Variants in ZNF407 observed in about 807,000 individuals in gnomAD.
The protein encoded by ZNF407 is zinc finger protein 407.
ZNF407 carries 17 observed loss-of-function variants against 131.2 expected under a neutral mutation model. The ratio of observed to expected loss-of-function variants is 0.13; its 90% CI spans 0.09 to 0.19. The LOEUF (loss-of-function observed/expected upper bound fraction) is 0.19. Among genes scored for constraint, ZNF407 ranks in the 10% least tolerant of loss-of-function variants. The pLI is 1.00. For synonymous variants in ZNF407, 1,156 were observed against 1,062.0 expected (o/e 1.09, Z -1.72); for missense variants, 2,681 against 2,830.6 (o/e 0.95, Z 1.20).
intron 8 of ZNF407, among the ~76,000 whole-genome samples, chr18:74,987,294 T>G (rs1384487291): frequency 6.6e-6 from 1 of 152,216 alleles, no homozygotes. Flanking sequence ...TATAGCTCCT[T>G]TGATAGACGA....
At chr18:74,934,820 A>G (rs1198472024) in intron 8 of ZNF407, among the ~76,000 whole-genome samples, 1 of 152,238 alleles carries the variant, frequency 6.6e-6, no homozygotes, top group Admixed American at 6.5e-5. Flanking sequence ...ACAAACAAAA[A>G]TTAATTGCTT....
chr18:74,859,259 C>T (rs1970903295), intron 4 of ZNF407, among the ~76,000 whole-genome samples: 1 of 152,170 alleles, frequency 6.6e-6, no homozygotes, highest in Non-Finnish European at 1.5e-5. Flanking sequence ...TAAGTAACAT[C>T]ACCCTTTGTG....
At chr18:74,969,099 TA>T (rs1168508367) in intron 8 of ZNF407, among the ~76,000 whole-genome samples, 3 of 152,264 alleles carry the variant, frequency 2.0e-5, no homozygotes, top group Non-Finnish European at 4.4e-5. Context: ...TTCAGTTCTG[TA>T]AATTCCATTT....
chr18:74,840,496 A>G (rs968344691), intron 4 of ZNF407, among the ~76,000 whole-genome samples: 1 of 151,922 alleles, frequency 6.6e-6, no homozygotes, highest in Non-Finnish European at 1.5e-5. Context: ...TCACCACCTC[A>G]CCATCCCTCC....
intron 3 of ZNF407, among the ~76,000 whole-genome samples, chr18:74,778,578 A>G (rs1969523865): frequency 1.3e-5 from 2 of 152,166 alleles, no homozygotes; most frequent in South Asian, 4.2e-4. Context: ...CCTGTGCATC[A>G]CAGCTGCCTA....
At chr18:74,751,106 C>T (rs1389046261) in intron 3 of ZNF407, among the ~76,000 whole-genome samples, 1 of 152,026 alleles carries the variant, frequency 6.6e-6, no homozygotes, top group African/African-American at 2.4e-5. Context: ...TCCTTTGAAG[C>T]ACAAACTTCT....
At chr18:75,051,415 G>C (rs776229886) in intron 8 of ZNF407, among the ~76,000 whole-genome samples, 1 of 151,980 alleles carries the variant, frequency 6.6e-6, no homozygotes, top group Non-Finnish European at 1.5e-5. Context: ...TATCACAGTG[G>C]GTATTTATTC....
intron 4 of ZNF407, among the ~76,000 whole-genome samples, chr18:74,830,495 T>G (rs1240726225): frequency 1.3e-5 from 2 of 152,154 alleles, no homozygotes; most frequent in East Asian, 3.9e-4. Context: ...TGATACATTG[T>G]CCAGGCAGGT....
intron 4 of ZNF407, among the ~76,000 whole-genome samples, chr18:74,806,714 C>T (rs1202732533): frequency 1.3e-5 from 2 of 152,174 alleles, no homozygotes; most frequent in African/African-American, 2.4e-5. Context: ...GCAATTTGTC[C>T]GAGTTACTTA....
chr18:74,659,184 AT>A (rs1202367138), intron 3 of ZNF407, among the ~76,000 whole-genome samples: 1 of 151,982 alleles, frequency 6.6e-6, no homozygotes, highest in Non-Finnish European at 1.5e-5. Flanking sequence ...TTAGATTTTT[AT>A]TTTTCAAAGA....
At chr18:74,973,954 C>T (rs1972500195) in intron 8 of ZNF407, among the ~76,000 whole-genome samples, 2 of 152,100 alleles carry the variant, frequency 1.3e-5, no homozygotes, top group Admixed American at 6.5e-5. Context: ...CTACAATGAC[C>T]CTGTTCCCAA....
Position 74,632,859 on chromosome 18 carries a change from C to T in ZNF407, c.1840C>T (p.His614Tyr), listed in dbSNP as rs1396434246. The change falls in exon 2 of 9, where the codon CAT (histidine) becomes TAT (tyrosine). Residue 614 changes from histidine (H) to tyrosine (Y), a missense_variant. By Grantham distance (83) the His-to-Tyr change is moderately conservative. Coordinates refer to ENST00000299687, the MANE Select transcript of ZNF407 (RefSeq NM_017757.3). Reference sequence around the variant, plus strand: ...CCACATGAAGGAAAAGCACAATATGCATTTTCTTTGCACCCCTTGTAATCT... The same window carrying T: ...CCACATGAAGGAAAAGCACAATATGTATTTTCTTTGCACCCCTTGTAATCT... ...RDHMKEKHNM[H>Y]FLCTPCNLFF... 1.2e-6 allele frequency: 2 copies of T among 1,613,478 alleles called. No homozygotes were observed. The highest frequency in any genetic ancestry group is 1.7e-6 in the Non-Finnish European group (2 of 1,179,878).
chr18:74,933,408 G>A (rs776728077), intron 8 of ZNF407, among the ~76,000 whole-genome samples: 4 of 152,190 alleles, frequency 2.6e-5, no homozygotes, highest in Non-Finnish European at 5.9e-5. Context: ...GAGCTGCAGG[G>A]AGGGAAAATG....
chr18:74,702,415 A>G (rs990042717), intron 3 of ZNF407, among the ~76,000 whole-genome samples: 2 of 152,190 alleles, frequency 1.3e-5, no homozygotes, highest in Non-Finnish European at 2.9e-5. Flanking sequence ...TGAGATAAAT[A>G]TATATGATTA....
intron 3 of ZNF407, among the ~76,000 whole-genome samples, chr18:74,702,265 T>C (rs1051145385): frequency 2.0e-5 from 3 of 152,186 alleles, no homozygotes; most frequent in Non-Finnish European, 4.4e-5. Flanking sequence ...AGGATGTATG[T>C]GTTTTATTCA....
At chr18:74,638,245 A>G (rs2144683402) in intron 2 of ZNF407, among the ~76,000 whole-genome samples, 1 of 152,322 alleles carries the variant, frequency 6.6e-6, no homozygotes. Context: ...GCTCAGTAGG[A>G]GAGTTAATCT....
intron 3 of ZNF407, among the ~76,000 whole-genome samples, chr18:74,777,646 T>A (rs1442238863): frequency 6.6e-6 from 1 of 152,230 alleles, no homozygotes; most frequent in Non-Finnish European, 1.5e-5. Flanking sequence ...ATATCCCAAA[T>A]CTGACCACGT....
chr18:74,646,023 G>C (rs540554876), intron 3 of ZNF407, among the ~76,000 whole-genome samples: 14 of 152,184 alleles, frequency 9.2e-5, no homozygotes, highest in Non-Finnish European at 7.4e-5. Flanking sequence ...CATAAAGCAA[G>C]GAACACTTGA....
In ZNF407 at chr18:74,635,550, G is replaced by A; in HGVS notation, c.4531G>A (p.Glu1511Lys). ...LFLHIKGQHE[E>K]LLREVNKYIV... ...TTTACATATTAAAGGACAGCATGAG[G>A]AATTGCTGCGGGAGGTGAATAAGTA... is the stretch of plus-strand genomic sequence containing the variant. The change falls in exon 2 of 9, where the codon GAA (glutamate) becomes AAA (lysine). Residue 1511 changes from glutamate (E) to lysine (K), a missense_variant. This residue lies in a region of ZNF407 where 213 missense variants were observed against 332.2 expected (regional missense o/e 0.64). Transcript: ENST00000299687. The surrounding 1 kb of genome is among the most constrained non-coding windows in gnomAD (Gnocchi z 4.7). 1 of 1,613,814 alleles carries A rather than the reference G, an allele frequency of 6.2e-7. No individual in the cohort carries two copies. The highest frequency in any genetic ancestry group is 8.5e-7 in the Non-Finnish European group (1 of 1,179,782).
Sources: allele counts gnomAD v4.1 joint callset (sites outside exome capture counted in the v4.1 genomes callset), GRCh38; gene constraint gnomAD v4.1.1; regional missense constraint gnomAD v4.1.1; non-coding constraint Gnocchi (gnomAD v3.1); transcripts MANE v1.5; gene names NCBI Gene and HGNC (gene_info 2026-07-23, HGNC 2026-07-21).